The following ZBTB10 variants were observed in gnomAD, a reference collection of about 807,000 sequenced individuals.
ZBTB10 encodes the protein zinc finger and BTB domain-containing protein 10.
In ZBTB10, 32 loss-of-function variants were observed where a neutral mutation model predicts 76.4. The ratio of observed to expected loss-of-function variants is 0.42; its 90% CI spans 0.32 to 0.56. The LOEUF is 0.56. Ranked by LOEUF, ZBTB10 falls within the 20% of genes least tolerant of loss-of-function variation. ZBTB10 has a pLI of 0.14. For missense variants in ZBTB10, 1,057 were observed against 1,098.5 expected (o/e 0.96, Z 0.53); for synonymous variants, 523 against 432.9 (o/e 1.21, Z -2.58).
At chr8:80,498,861 T>C (rs780892266) in intron 1 of ZBTB10, among the ~76,000 whole-genome samples, 1 of 152,236 alleles carries the variant, frequency 6.6e-6, no homozygotes, top group Non-Finnish European at 1.5e-5. Context: ...ATAGTACTTA[T>C]GACCCTAAAG....
rs148252554 is a variant in ZBTB10, at chr8:80,524,290, A to G, written c.*4762A>G. ...CATAAATGACAGACTACCTCCAAGT[A>G]ATCCTGCTTTAATTAATAGCAGTGA... On this transcript the variant is annotated 3_prime_UTR_variant, in exon 6 of 6. Coordinates refer to ENST00000455036, the MANE Select transcript of ZBTB10 (RefSeq NM_001105539.3). 1.4e-4 allele frequency: 22 copies of G among 152,232 alleles called. No homozygotes were observed. The East Asian group carries it at 4.2e-3, about 29-fold the overall frequency. 9.4% of individuals were successfully genotyped at this position (152,232 alleles called of 1,614,324 possible). A position where few individuals can be genotyped will look rare whatever the true frequency, so the allele number is the denominator to read the frequency against.
At chr8:80,497,475 G>T (rs377137820) in intron 1 of ZBTB10, among the ~76,000 whole-genome samples, 106 of 151,596 alleles carry the variant, frequency 7.0e-4, no homozygotes, top group African/African-American at 2.4e-3. Flanking sequence ...TATATGGTGG[G>T]GGGGGGCATG....
At chr8:80,489,794 A>G (rs1387940078) in intron 1 of ZBTB10, among the ~76,000 whole-genome samples, 1 of 152,184 alleles carries the variant, frequency 6.6e-6, no homozygotes, top group Non-Finnish European at 1.5e-5. Context: ...TACAATATAC[A>G]TATATTAAGG....
intron 1 of ZBTB10, among the ~76,000 whole-genome samples, chr8:80,492,524 G>A (rs1815657432): frequency 6.6e-6 from 1 of 151,994 alleles, no homozygotes; most frequent in Non-Finnish European, 1.5e-5. Flanking sequence ...TGTCACCCAG[G>A]CTGGAGTGCA....
intron 3 of ZBTB10, among the ~76,000 whole-genome samples, chr8:80,516,182 A>G (rs1010293523): frequency 2.0e-5 from 3 of 152,114 alleles, no homozygotes; most frequent in Admixed American, 6.6e-5. Flanking sequence ...CAGCCTCTCA[A>G]ATTACTGGGA....
rs887796442 is a variant in ZBTB10, at chr8:80,486,401, A to G, written c.-410A>G. Reference sequence around the variant, plus strand: ...GCGCGGAGGAAGGATATCTGTGTGGAGGATCGGTGTGTGCGCGCGCGGCTT... The same window carrying G: ...GCGCGGAGGAAGGATATCTGTGTGGGGGATCGGTGTGTGCGCGCGCGGCTT... On this transcript the variant is annotated 5_prime_UTR_variant, in exon 1 of 6. Coordinates refer to ENST00000455036, the MANE Select transcript of ZBTB10 (RefSeq NM_001105539.3). The G allele has an allele frequency of 3.0e-5, 30 of 986,068 alleles. No individual in the cohort carries two copies. Among genetic ancestry groups the G allele is most frequent in the Non-Finnish European group, 3.1e-5 (26 of 831,446 alleles). The allele number at this position is 986,068 out of a possible 1,614,324, so 61.1% of individuals were successfully genotyped here. A position where few individuals can be genotyped will look rare whatever the true frequency, so the allele number is the denominator to read the frequency against.
chr8:80,503,866 C>T (rs1411469696), intron 2 of ZBTB10, among the ~76,000 whole-genome samples: 4 of 152,182 alleles, frequency 2.6e-5, no homozygotes, highest in Non-Finnish European at 5.9e-5. Flanking sequence ...CTCTAATCTA[C>T]CTGATAACCC....
intron 2 of ZBTB10, among the ~76,000 whole-genome samples, chr8:80,512,521 G>A (rs976234283): frequency 6.6e-6 from 1 of 152,102 alleles, no homozygotes; most frequent in African/African-American, 2.4e-5. Context: ...GGCCAGCCTG[G>A]GCAACATAGT....
At chr8:80,499,250 A>T (rs1815862047) in intron 1 of ZBTB10, among the ~76,000 whole-genome samples, 3 of 152,212 alleles carry the variant, frequency 2.0e-5, no homozygotes, top group African/African-American at 7.2e-5. Flanking sequence ...TTTGAAACAT[A>T]TAACATGATG....
rs1181700585 is a variant in ZBTB10 at position 80,524,851 on chromosome 8, C to T, written c.*5323C>T. The T allele has an allele frequency of 2.6e-5, 4 of 151,948 alleles. No homozygotes were observed. The highest frequency in any genetic ancestry group is 9.7e-5 in the African/African-American group (4 of 41,392). The allele number at this position is 151,948 out of a possible 1,614,324, so 9.4% of individuals were successfully genotyped here. ...GAAAAAGGTCTACCACTGGAGATAA[C>T]GCTATGAAAAGTGAAAGAGATTACT... On this transcript the variant is annotated 3_prime_UTR_variant, in exon 6 of 6. Transcript: ENST00000455036.
rs1034718616 is a variant in ZBTB10 at position 80,521,597 on chromosome 8, C to T, written c.*2069C>T. Reference sequence around the variant, plus strand: ...TTATTAGACTACAGTTCACTTATTGCATAGAAACTGGACTTGGCTTTACAT... The same window carrying T: ...TTATTAGACTACAGTTCACTTATTGTATAGAAACTGGACTTGGCTTTACAT... On this transcript the variant is annotated 3_prime_UTR_variant, in exon 6 of 6. Transcript: ENST00000455036. The T allele has an allele frequency of 6.6e-6, 1 of 151,684 alleles. No individual in the cohort carries two copies. Among genetic ancestry groups the T allele is most frequent in the African/African-American group, 2.4e-5 (1 of 41,404 alleles). The allele number at this position is 151,684 out of a possible 1,614,324, so 9.4% of individuals were successfully genotyped here.
At chr8:80,500,477 T>C (rs1357003582) in intron 2 of ZBTB10, 95 bp downstream of exon 2, 4 of 1,253,722 alleles carry the variant, frequency 3.2e-6, no homozygotes, top group Non-Finnish European at 4.3e-6. Context: ...ATTTTAGTTA[T>C]AAAGTAATAC....
chr8:80,508,374 TG>T (rs2131503820), intron 2 of ZBTB10, among the ~76,000 whole-genome samples: 1 of 152,362 alleles, frequency 6.6e-6, no homozygotes, highest in South Asian at 2.1e-4. Flanking sequence ...TATAACTTTC[TG>T]GGAACTCCAA....
rs1395341774 is a variant in ZBTB10, at chr8:80,487,265, A to T, written c.455A>T (p.His152Leu). 2.6e-6 allele frequency: 4 copies of T among 1,552,360 alleles called. No homozygotes were observed. The highest frequency in any genetic ancestry group is 3.5e-6 in the Non-Finnish European group (4 of 1,149,538). Reference protein sequence around the residue: ...RPETSVWPLRHFNGRGPATVD... With the variant: ...RPETSVWPLRLFNGRGPATVD... ...GAGACCTCGGTGTGGCCCTTGAGGCATTTCAATGGGCGAGGGCCGGCGACT... is the reference window on the plus strand; with the variant it reads ...GAGACCTCGGTGTGGCCCTTGAGGCTTTTCAATGGGCGAGGGCCGGCGACT... Residue 152 changes from histidine to leucine, a missense_variant, in exon 1 of 6, where the codon CAT becomes CTT. By Grantham distance (99) the His-to-Leu change is moderately conservative. Coordinates refer to ENST00000455036, the MANE Select transcript of ZBTB10 (RefSeq NM_001105539.3).
rs35629668 is a variant in ZBTB10 at position 80,494,922 on chromosome 8, CAAAA to C, written c.973-4556_973-4553del. On this transcript the variant is annotated intron_variant, in intron 1 of 5. Transcript: ENST00000455036. Reference sequence around the variant, plus strand: ...CCTGGGTGACAGAGTGACACTGTCTCAAAAAAAAAAAAAAAAAAAGGAAAAATAG... The same window carrying C: ...CCTGGGTGACAGAGTGACACTGTCTCAAAAAAAAAAAAAAAGGAAAAATAG... Among the ~76,000 whole-genome samples, 635 of 105,198 alleles carry C rather than the reference CAAAA, an allele frequency of 6.0e-3. 7 individuals are homozygous for C. Among genetic ancestry groups the C allele is most frequent in the African/African-American group, 0.017 (551 of 33,198 alleles). 69.0% of individuals were successfully genotyped at this position (105,198 alleles called of 152,430 possible).
In ZBTB10 at chr8:80,487,047, C is replaced by T; in HGVS notation, c.237C>T (p.Ala79=). 4 of 1,517,484 alleles carry T rather than the reference C, an allele frequency of 2.6e-6. No homozygotes were observed. Among genetic ancestry groups the T allele is most frequent in the African/African-American group, 1.4e-5 (1 of 69,670 alleles). The allele number at this position is 1,517,484 out of a possible 1,614,324, so 94.0% of individuals were successfully genotyped here. ...GCCTGGAGCCCCAAGACCTGGAGGC[C>T]TCCGCCGGGCCGGCCGCCGGCGCCG... ...LEGLEPQDLE[A]SAGPAAGAAE... The change falls in exon 1 of 6, where the codon GCC becomes GCT. Residue 79 remains alanine (A), a synonymous_variant. Coordinates refer to ENST00000455036, the MANE Select transcript of ZBTB10 (RefSeq NM_001105539.3).
At chr8:80,503,468 C>T (rs1339078253) in intron 2 of ZBTB10, among the ~76,000 whole-genome samples, 1 of 151,936 alleles carries the variant, frequency 6.6e-6, no homozygotes, top group Non-Finnish European at 1.5e-5. Context: ...CTATAACTTC[C>T]TAATTCTGTC....
intron 2 of ZBTB10, among the ~76,000 whole-genome samples, 176 bp downstream of exon 2, chr8:80,500,558 T>C (rs911482686): frequency 2.6e-5 from 4 of 152,174 alleles, no homozygotes; most frequent in African/African-American, 9.7e-5. Context: ...TTCTTTGTCT[T>C]TTTTCAACAC....
chr8:80,513,856 G>A (rs1216110348), intron 2 of ZBTB10, 54 bp from the exon 3 acceptor site: 7 of 1,389,318 alleles, frequency 5.0e-6, no homozygotes, highest in Non-Finnish European at 5.1e-6. Context: ...GTGGTGTTTT[G>A]GGTGGTGGCT....
Sources: allele counts gnomAD v4.1 joint callset (sites outside exome capture counted in the v4.1 genomes callset), GRCh38; gene constraint gnomAD v4.1.1; transcripts MANE v1.5; gene names NCBI Gene and HGNC (gene_info 2026-07-23, HGNC 2026-07-21).